GLB1L3: variants seen among roughly 807,000 people sequenced by gnomAD.
GLB1L3 encodes the protein galactosidase beta 1 like 3.
In GLB1L3, 89 loss-of-function variants were observed where a neutral mutation model predicts 89.5. The observed-to-expected ratio is 0.99, with a 90% confidence interval of 0.84 to 1.19. The LOEUF (loss-of-function observed/expected upper bound fraction) is 1.19, where lower values mean the gene tolerates loss of function less well. Among genes scored for constraint, GLB1L3 ranks in the 50% most tolerant of loss-of-function variants. The pLI is 0.00. For missense variants in GLB1L3, 812 were observed against 813.3 expected, an observed-to-expected ratio of 1.00 and a Z score of 0.02; for synonymous variants, 314 against 312.3, an observed-to-expected ratio of 1.01 and a Z score of -0.06.
At position 134,276,516 on chromosome 11, in the gene GLB1L3, G is replaced by A; in HGVS notation, c.-225G>A. ...CACTGCGGGAACACCTGGAGCGCCG[G>A]CGGAGCTCGGCTGTCCCCGCGGGAG... On this transcript the variant is annotated 5_prime_UTR_variant, in exon 1 of 20. Transcript: ENST00000431683. The A allele has an allele frequency of 2.6e-6, 1 of 384,912 alleles. No individual in the cohort carries two copies. The highest frequency in any genetic ancestry group is 4.6e-6 in the Non-Finnish European group (1 of 219,458). 23.8% of individuals were successfully genotyped at this position (384,912 alleles called of 1,614,324 possible). A position where few individuals can be genotyped will look rare whatever the true frequency, so the allele number is the denominator to read the frequency against.
rs1430896459 is a variant in GLB1L3 at position 134,277,432 on chromosome 11, G to C, written c.130G>C (p.Ala44Pro). The stretch of plus-strand genomic sequence containing the variant: ...GGAAGAGAACTTCATGCTTGGAAGA[G>C]CGCATCCGTCCCAGCCTAGGTTTGC... ...KQEENFMLGR[A>P]HPSQPRFNWS... Residue 44 changes from alanine to proline, a missense_variant, in exon 2 of 20, where the codon GCG becomes CCG. Transcript: ENST00000431683. The C allele has an allele frequency of 6.2e-7, 1 of 1,613,552 alleles. No homozygotes were observed. Among genetic ancestry groups the C allele is most frequent in the African/African-American group, 1.3e-5 (1 of 75,048 alleles).
chr11:134,322,172 A>G (rs1006320751), downstream of GLB1L3, among the ~76,000 whole-genome samples: 16 of 152,210 alleles, frequency 1.1e-4, no homozygotes, highest in Admixed American at 8.5e-4. Context: ...AACTGTATTA[A>G]CATCAGGCAA....
At chr11:134,282,959 G>T (rs552910461) in intron 5 of GLB1L3, among the ~76,000 whole-genome samples, 1 of 152,362 alleles carries the variant, frequency 6.6e-6, no homozygotes, top group African/African-American at 2.4e-5. Context: ...CAGTGACCTG[G>T]AGTGGGTGGA....
chr11:134,313,384 C>T lies in GLB1L3; in HGVS notation c.1501-12C>T, dbSNP rs1470458345. On this transcript the variant is annotated splice_polypyrimidine_tract_variant and intron_variant, in intron 15 of 19. Transcript: ENST00000431683. ...GGCTGCGTGGTCTCCATGACCTGGC[C>T]TGTCCCAGCAGGACTGCCGATACCT... 4 of 1,569,410 alleles carry T rather than the reference C, an allele frequency of 2.5e-6. No homozygotes were observed. Among genetic ancestry groups the T allele is most frequent in the Non-Finnish European group, 3.5e-6 (4 of 1,156,908 alleles).
chr11:134,308,041 A>C (rs1375244955), intron 10 of GLB1L3, among the ~76,000 whole-genome samples: 1 of 151,836 alleles, frequency 6.6e-6, no homozygotes, highest in Non-Finnish European at 1.5e-5. Context: ...CAAAAGAAAA[A>C]TGCCACTATT....
chr11:134,277,174 C>A, intron 1 of GLB1L3, 152 bp from the exon 2 acceptor site: 1 of 923,366 alleles, frequency 1.1e-6, no homozygotes, highest in East Asian at 2.4e-5. Context: ...GCCGCGCTGT[C>A]CTGGCCCTGG....
chr11:134,281,299 T>G (rs1940670486), intron 3 of GLB1L3, 78 bp from the exon 4 acceptor site: 1 of 1,558,290 alleles, frequency 6.4e-7, no homozygotes, highest in African/African-American at 1.4e-5. Context: ...TGGTTTTGGC[T>G]TGGATTTGGG....
chr11:134,309,305 G>A (rs1054204011), intron 10 of GLB1L3, among the ~76,000 whole-genome samples: 2 of 152,186 alleles, frequency 1.3e-5, no homozygotes. Context: ...AATCTTTGTA[G>A]AGGTTGAATG....
intron 9 of GLB1L3, chr11:134,305,384 C>G (rs1250031425): frequency 6.6e-6 from 3 of 453,138 alleles, no homozygotes; most frequent in Non-Finnish European, 1.2e-5. Context: ...AGAGCATTCT[C>G]TCTCTACGTT....
intron 9 of GLB1L3, among the ~76,000 whole-genome samples, chr11:134,303,405 C>G (rs1025827720): frequency 3.9e-5 from 6 of 152,104 alleles, no homozygotes; most frequent in Non-Finnish European, 8.8e-5. Context: ...TTAAGTGTTT[C>G]TTTTCTTTTT....
intron 9 of GLB1L3, among the ~76,000 whole-genome samples, chr11:134,294,878 A>G (rs1941550398): frequency 6.6e-6 from 1 of 152,210 alleles, no homozygotes; most frequent in Non-Finnish European, 1.5e-5. Flanking sequence ...GTAAAGTCAT[A>G]GTCAAACCCA....
intron 9 of GLB1L3, chr11:134,305,320 G>T: frequency 4.0e-6 from 2 of 495,740 alleles, no homozygotes; most frequent in Non-Finnish European, 7.2e-6. Context: ...TATAGAGTAT[G>T]CTTCTTACTT....
At chr11:134,312,940 G>A (rs923932847) in intron 15 of GLB1L3, 53 bp downstream of exon 15, 86 of 1,227,672 alleles carry the variant, frequency 7.0e-5, no homozygotes, top group Non-Finnish European at 7.9e-5. Context: ...AAATGCAGAC[G>A]GAGCCTGGTC....
At chr11:134,308,401 C>CCAT (rs1565413549) in intron 10 of GLB1L3, among the ~76,000 whole-genome samples, 1 of 95,284 alleles carries the variant, frequency 1.0e-5, no homozygotes, top group South Asian at 3.5e-4. Flanking sequence ...ACCACCATCA[C>CCAT]CATCACCACC....
In GLB1L3 at chr11:134,303,876, C is replaced by A. The variant is rs372775673; in HGVS notation, c.877-3248C>A. On this transcript the variant is annotated intron_variant, in intron 9 of 19. Transcript: ENST00000431683. ...CTCTGTTTCCAGGCTTCAGTCTCTT[C>A]CCGGCTCTGAATTCTAATGTGGCAG... is the stretch of plus-strand genomic sequence containing the variant. Among the ~76,000 whole-genome samples, 16 of 152,114 alleles carry A rather than the reference C, an allele frequency of 1.1e-4. No individual in the cohort carries two copies. The East Asian group carries it at 1.2e-3, about 11-fold the overall frequency.
At chr11:134,295,917 T>C (rs892614794) in intron 9 of GLB1L3, among the ~76,000 whole-genome samples, 5 of 152,218 alleles carry the variant, frequency 3.3e-5, no homozygotes, top group South Asian at 2.1e-4. Flanking sequence ...CTTAGGGGAT[T>C]TTCCAGCTAG....
chr11:134,277,358 T>C lies in GLB1L3; in HGVS notation c.56T>C (p.Ile19Thr). 6.2e-7 allele frequency: 1 copy of C among 1,613,896 alleles called. No homozygotes were observed. Among genetic ancestry groups the C allele is most frequent in the Non-Finnish European group, 8.5e-7 (1 of 1,179,844 alleles). The part of the protein sequence containing the change: ...PCLSWKRMAG[I>T]FFLPFISSGF... ...CTCTCCTGGAAGAGAATGGCGGGCA[T>C]CTTTTTCCTGCCATTTATCTCATCA... Residue 19 changes from isoleucine (I) to threonine (T), a missense_variant, in exon 2 of 20, where the codon ATC (isoleucine) becomes ACC (threonine). By Grantham distance (89) the Ile-to-Thr change is moderately conservative. Coordinates refer to ENST00000431683, the MANE Select transcript of GLB1L3 (RefSeq NM_001080407.3).
downstream of GLB1L3, among the ~76,000 whole-genome samples, chr11:134,320,309 A>G (rs540488400): frequency 2.0e-5 from 3 of 152,314 alleles, no homozygotes; most frequent in South Asian, 2.1e-4. Context: ...GACTATTTCA[A>G]TGGAGGAAAC....
At chr11:134,298,265 G>A (rs889882457) in intron 9 of GLB1L3, among the ~76,000 whole-genome samples, 4 of 151,980 alleles carry the variant, frequency 2.6e-5, no homozygotes, top group African/African-American at 9.7e-5. Flanking sequence ...AATTCTACAC[G>A]ATATGTTCCA....
Sources: allele counts gnomAD v4.1 joint callset (sites outside exome capture counted in the v4.1 genomes callset), GRCh38; gene constraint gnomAD v4.1.1; transcripts MANE v1.5; gene names NCBI Gene and HGNC (gene_info 2026-07-23, HGNC 2026-07-21).